The following AKT1 variants were observed in gnomAD, a reference collection of about 807,000 sequenced individuals.
AKT1 encodes RAC-alpha serine/threonine-protein kinase.
A neutral mutation model predicts 63.1 loss-of-function variants in AKT1; 21 were observed. The ratio of observed to expected loss-of-function variants is 0.33; its 90% CI spans 0.24 to 0.48. The LOEUF is 0.48. AKT1 is among the 20% of genes least tolerant of loss of function. The pLI, the probability that AKT1 is intolerant of heterozygous loss-of-function variation, is 0.99. For missense variants in AKT1, 382 were observed against 666.0 expected, an observed-to-expected ratio of 0.57 and a Z score of 4.69; for synonymous variants, 257 against 253.1, an observed-to-expected ratio of 1.02 and a Z score of -0.15.
At chr14:104,771,972 A>G in intron 13 of AKT1, 1 of 363,254 alleles carries the variant, frequency 2.8e-6, no homozygotes, top group East Asian at 4.5e-5. Flanking sequence ...GATTGAGGTC[A>G]AACAGGAGGA....
At chr14:104,783,358 A>C (rs1361434159) in intron 3 of AKT1, among the ~76,000 whole-genome samples, 1 of 151,982 alleles carries the variant, frequency 6.6e-6, no homozygotes, top group Non-Finnish European at 1.5e-5. Context: ...TCAATCCCTG[A>C]CACCCCAGGA....
In AKT1 at chr14:104,772,944, G is replaced by A. The variant is rs2140900920; in HGVS notation, c.1106C>T (p.Pro369Leu). ...ELILMEEIRF[P>L]RTLGPEAKSL... ...CTTGGCCTCGGGACCAAGCGTGCGC[G>A]GGAAGCGGATCTCCTCCATGAGGAT... The change falls in exon 12 of 15, where the codon CCG becomes CTG. Residue 369 changes from proline to leucine, a missense_variant. Coordinates refer to ENST00000649815, the MANE Select transcript of AKT1 (RefSeq NM_001382430.1). The A allele has an allele frequency of 1.2e-6, 2 of 1,614,042 alleles. No individual in the cohort carries two copies. Among genetic ancestry groups the A allele is most frequent in the Non-Finnish European group, 1.7e-6 (2 of 1,180,014 alleles).
rs750104452 is a variant in AKT1 at position 104,770,815 on chromosome 14, C to T, written c.1293G>A (p.Ser431=). Residue 431 remains serine, a synonymous_variant, in exon 14 of 15, where the codon TCG becomes TCA. Coordinates refer to ENST00000649815, the MANE Select transcript of AKT1 (RefSeq NM_001382430.1). The part of the protein sequence containing the change: ...LSPPFKPQVT[S]ETDTRYFDEE... Reference sequence around the variant, plus strand: ...CATCAAAATACCTGGTGTCAGTCTCCGACGTGACCTGGGGCTTGAAGGGTG... The same window carrying T: ...CATCAAAATACCTGGTGTCAGTCTCTGACGTGACCTGGGGCTTGAAGGGTG... The T allele has an allele frequency of 1.1e-5, 18 of 1,613,992 alleles. No homozygotes were observed. The East Asian group carries it at 2.2e-4, about 20-fold the overall frequency.
chr14:104,791,688 T>TG (rs1893634552), intron 3 of AKT1, among the ~76,000 whole-genome samples: 1 of 152,218 alleles, frequency 6.6e-6, no homozygotes, highest in Non-Finnish European at 1.5e-5. Context: ...CAGCTGTGTT[T>TG]GGGGTCTCCC....
intron 3 of AKT1, among the ~76,000 whole-genome samples, chr14:104,785,586 G>A (rs1012058108): frequency 1.3e-5 from 2 of 152,196 alleles, no homozygotes; most frequent in Non-Finnish European, 2.9e-5. Context: ...CAGGCAGGGC[G>A]GGCAGGGCTC....
rs61761197 is a variant in AKT1 at position 104,773,810 on chromosome 14, C to T, written c.702+102G>A. 1,088 of 1,316,278 alleles carry T rather than the reference C, an allele frequency of 8.3e-4. 12 individuals carry two copies. The African/African-American group carries it at 0.014, about 17-fold the overall frequency. 81.5% of individuals were successfully genotyped at this position (1,316,278 alleles called of 1,614,324 possible). On this transcript the variant is annotated intron_variant, in intron 9 of 14. Transcript: ENST00000649815. Reference sequence around the variant, plus strand: ...ACACCACCCACCCAGCAGGGAGCACCGTCTGGTGCCATGGAGAGTAGCCGA... The same window carrying T: ...ACACCACCCACCCAGCAGGGAGCACTGTCTGGTGCCATGGAGAGTAGCCGA...
chr14:104,770,638 A>T, intron 14 of AKT1, 107 bp downstream of exon 14: 1 of 1,140,110 alleles, frequency 8.8e-7, no homozygotes, highest in Non-Finnish European at 1.3e-6. Flanking sequence ...GAACCTTTTT[A>T]AATATTTAGA....
chr14:104,783,011 C>T (rs1893143787), intron 3 of AKT1, among the ~76,000 whole-genome samples: 2 of 152,174 alleles, frequency 1.3e-5, no homozygotes, highest in South Asian at 4.1e-4. Context: ...CTCCCTGATC[C>T]AGGACTGGGG....
At chr14:104,783,585 AG>A (rs1246366449) in intron 3 of AKT1, among the ~76,000 whole-genome samples, 1 of 141,470 alleles carries the variant, frequency 7.1e-6, no homozygotes, top group Admixed American at 7.8e-5. Context: ...ACAGACCCCC[AG>A]GTTGCCACGC....
chr14:104,791,821 G>A (rs80336394), intron 3 of AKT1, among the ~76,000 whole-genome samples: 39 of 152,354 alleles, frequency 2.6e-4, no homozygotes, highest in Non-Finnish European at 5.0e-4. Flanking sequence ...AGGGCGGACC[G>A]ATTCCGCCTG....
chr14:104,792,705 C>T lies in AKT1; in HGVS notation c.-62G>A, dbSNP rs11555428. 6.3e-7 allele frequency: 1 copy of T among 1,586,196 alleles called. No homozygotes were observed. The highest frequency in any genetic ancestry group is 8.6e-7 in the Non-Finnish European group (1 of 1,165,828). On this transcript the variant is annotated 5_prime_UTR_variant, in exon 3 of 15. Transcript: ENST00000649815. ...TCAGGCTGGCGCTCCCCGAGCCCAG[C>T]TGGCCTGGCCACAGCCTCTGGGAGA...
intron 6 of AKT1, 111 bp downstream of exon 6, chr14:104,775,541 T>G: frequency 7.0e-7 from 1 of 1,426,426 alleles, no homozygotes; most frequent in South Asian, 1.4e-5. Context: ...TAGGTGGAGA[T>G]GCCGTGGAGT....
intron 3 of AKT1, among the ~76,000 whole-genome samples, chr14:104,780,715 C>A (rs919670137): frequency 1.3e-5 from 2 of 151,166 alleles, no homozygotes; most frequent in South Asian, 2.1e-4. Flanking sequence ...GCATGGCCGC[C>A]CCCCCCGCCC....
chr14:104,772,216 G>A (rs996126255), intron 13 of AKT1, 149 bp downstream of exon 13: 12 of 850,440 alleles, frequency 1.4e-5, no homozygotes, highest in East Asian at 2.5e-5. Flanking sequence ...TGAGGTTGGT[G>A]CAGCAAGGCC....
At chr14:104,785,021 G>A (rs112840125) in intron 3 of AKT1, among the ~76,000 whole-genome samples, 8 of 152,320 alleles carry the variant, frequency 5.3e-5, no homozygotes, top group South Asian at 2.1e-4. Context: ...AGGCGGCACC[G>A]AGCTGCTTCT....
intron 1 of AKT1, chr14:104,793,940 G>A (rs1307287075): frequency 6.6e-6 from 1 of 152,280 alleles, no homozygotes; most frequent in Non-Finnish European, 1.5e-5. Context: ...ATCCCAACAT[G>A]GGTCTTTCCA....
chr14:104,781,189 A>G (rs1893019219), intron 3 of AKT1, among the ~76,000 whole-genome samples: 1 of 151,488 alleles, frequency 6.6e-6, no homozygotes, highest in South Asian at 2.1e-4. Context: ...TTTGAACAAC[A>G]GGGAACTTAC....
At chr14:104,771,820 A>C (rs1004003304) in intron 13 of AKT1, 1 of 238,434 alleles carries the variant, frequency 4.2e-6, no homozygotes, top group African/African-American at 2.2e-5. Flanking sequence ...AGGGTCCCTG[A>C]AAGATGAGCA....
chr14:104,778,476 G>C (rs1892854359), intron 4 of AKT1: 2 of 152,300 alleles, frequency 1.3e-5, no homozygotes, highest in South Asian at 4.1e-4. Context: ...GGCTGGAAGA[G>C]CCAGGGAAGG....
Sources: allele counts gnomAD v4.1 joint callset (sites outside exome capture counted in the v4.1 genomes callset), GRCh38; gene constraint gnomAD v4.1.1; transcripts MANE v1.5; gene names NCBI Gene and HGNC (gene_info 2026-07-23, HGNC 2026-07-21).